Variants in CORO2B observed in about 807,000 individuals in gnomAD.
The protein encoded by CORO2B is coronin 2B.
In CORO2B, 26 loss-of-function variants were observed where a neutral mutation model predicts 58.8. The observed-to-expected ratio is 0.44, with a 90% CI of 0.32 to 0.61. The LOEUF is 0.61. CORO2B is among the 20% of genes least tolerant of loss of function. The pLI is 0.04. For missense variants in CORO2B, 460 were observed against 645.1 expected, an observed-to-expected ratio of 0.71 and a Z score of 3.11; for synonymous variants, 242 against 253.8, an observed-to-expected ratio of 0.95 and a Z score of 0.44.
intron 2 of CORO2B, among the ~76,000 whole-genome samples, chr15:68,647,223 A>G (rs1480424565): frequency 1.3e-5 from 2 of 152,240 alleles, no homozygotes; most frequent in African/African-American, 4.8e-5. Context: ...CCCCCAAATC[A>G]TAAAGGAAAT....
chr15:68,533,753 C>G, the CORO2B span, among the ~76,000 whole-genome samples: 3 of 152,182 alleles, frequency 2.0e-5, no homozygotes, highest in Non-Finnish European at 4.4e-5. Context: ...GTTCTTAAAA[C>G]AAGCATAATG....
At chr15:68,635,169 C>T (rs1027994510) in intron 1 of CORO2B, among the ~76,000 whole-genome samples, 10 of 152,214 alleles carry the variant, frequency 6.6e-5, no homozygotes, top group African/African-American at 2.4e-4. Flanking sequence ...TTTCCACCTT[C>T]ACTCCTCTCC....
the CORO2B span, among the ~76,000 whole-genome samples, chr15:68,529,388 G>A: frequency 1.3e-5 from 2 of 152,174 alleles, no homozygotes; most frequent in Non-Finnish European, 2.9e-5. Context: ...CTCTAAAGAT[G>A]AGATATCACA....
chr15:68,600,970 G>A (rs1899967994), intron 1 of CORO2B, among the ~76,000 whole-genome samples: 1 of 152,172 alleles, frequency 6.6e-6, no homozygotes. Context: ...GAATGAGTAG[G>A]GAGGAGGCTG....
intron 1 of CORO2B, among the ~76,000 whole-genome samples, chr15:68,585,198 CT>C (rs538353979): frequency 7.5e-4 from 114 of 152,268 alleles, no homozygotes; most frequent in African/African-American, 2.7e-3. Flanking sequence ...GGACGGTCCC[CT>C]CTATTTAGGG....
intron 2 of CORO2B, among the ~76,000 whole-genome samples, chr15:68,693,980 C>T (rs1302358614): frequency 3.3e-5 from 5 of 152,242 alleles, no homozygotes; most frequent in Admixed American, 1.3e-4. Flanking sequence ...GGATTACAGG[C>T]GTGTGTCACC....
chr15:68,535,025 G>A, the CORO2B span, among the ~76,000 whole-genome samples: 4 of 152,294 alleles, frequency 2.6e-5, no homozygotes, highest in East Asian at 3.9e-4. Context: ...CCCACAGCAT[G>A]TGAGAGTTAT....
At chr15:68,718,618 C>T (rs1204635000) in intron 8 of CORO2B, 80 bp from the exon 9 acceptor site, 1 of 1,249,086 alleles carries the variant, frequency 8.0e-7, no homozygotes. Context: ...AGCCTTTCCC[C>T]TGGCCCAGAA....
chr15:68,598,068 A>C (rs73442209), intron 1 of CORO2B, among the ~76,000 whole-genome samples: 1,896 of 152,348 alleles, frequency 0.012, 45 homozygotes, highest in African/African-American at 0.042. Context: ...CCTTTTCTTC[A>C]GATCCAGACC....
the CORO2B span, among the ~76,000 whole-genome samples, chr15:68,529,900 T>C: frequency 6.6e-6 from 1 of 152,262 alleles, no homozygotes; most frequent in South Asian, 2.1e-4. Context: ...ATTTACTCTT[T>C]GAACTAAAGG....
chr15:68,599,976 G>C (rs1899941550), intron 1 of CORO2B, among the ~76,000 whole-genome samples: 1 of 152,200 alleles, frequency 6.6e-6, no homozygotes, highest in African/African-American at 2.4e-5. Flanking sequence ...GGTGTGGACT[G>C]CTGCTGCTGT....
intron 2 of CORO2B, among the ~76,000 whole-genome samples, chr15:68,660,976 C>CTCT (rs796445368): frequency 6.8e-6 from 1 of 147,220 alleles, no homozygotes; most frequent in Non-Finnish European, 1.5e-5. Flanking sequence ...TGTAATGAGT[C>CTCT]TTTTTTTTTT....
At chr15:68,578,932 A>T, upstream of CORO2B, 1 of 661,410 alleles carries the variant, frequency 1.5e-6, no homozygotes, top group Non-Finnish European at 1.9e-6. This position sits in a 1 kb window ranked among gnomAD's most constrained non-coding sequence, Gnocchi z 4.2. Context: ...CTTTGTAGCG[A>T]GTTCCCGGCC....
the CORO2B span, among the ~76,000 whole-genome samples, chr15:68,535,024 T>C: frequency 0.76 from 115,892 of 152,094 alleles, 44,661 homozygotes; most frequent in East Asian, 0.96. Context: ...TCCCACAGCA[T>C]GTGAGAGTTA....
At chr15:68,653,149 C>A (rs1381489695) in intron 2 of CORO2B, among the ~76,000 whole-genome samples, 1 of 152,112 alleles carries the variant, frequency 6.6e-6, no homozygotes, top group Non-Finnish European at 1.5e-5. Context: ...GGTCCTGGAG[C>A]AGCGGTCCAG....
rs370884029 is a variant in CORO2B at position 68,710,693 on chromosome 15, C to T, written c.334-39C>T. 30 of 1,528,810 alleles carry T rather than the reference C, an allele frequency of 2.0e-5. No homozygotes were observed. In the African/African-American group the frequency reaches 3.8e-4, roughly 20 times the overall value. 94.7% of individuals were successfully genotyped at this position (1,528,810 alleles called of 1,614,324 possible). ...CACCTCTCATCAAGGGACTTCTTGG[C>T]CGTGTCCACCCAGCCTGGACCCTCA... On this transcript the variant is annotated intron_variant, in intron 3 of 11. Coordinates refer to ENST00000261861, the MANE Select transcript of CORO2B (RefSeq NM_006091.5). This position sits in a 1 kb window ranked among gnomAD's most constrained non-coding sequence, Gnocchi z 4.1.
At chr15:68,701,152 C>T (rs890461328) in intron 3 of CORO2B, among the ~76,000 whole-genome samples, 1 of 152,074 alleles carries the variant, frequency 6.6e-6, no homozygotes, top group Non-Finnish European at 1.5e-5. Context: ...GGGGCCAGTG[C>T]GCCGAGTGGG....
chr15:68,669,091 G>A (rs1902297666), intron 2 of CORO2B, among the ~76,000 whole-genome samples: 1 of 144,642 alleles, frequency 6.9e-6, no homozygotes, highest in South Asian at 2.2e-4. Flanking sequence ...GAGAGAGAAA[G>A]AAGGAAGGAA....
At chr15:68,688,693 G>C (rs1218539357) in intron 2 of CORO2B, among the ~76,000 whole-genome samples, 1 of 152,054 alleles carries the variant, frequency 6.6e-6, no homozygotes, top group Non-Finnish European at 1.5e-5. Context: ...CCATTATATG[G>C]GTGTACTGTA....
Sources: allele counts gnomAD v4.1 joint callset (sites outside exome capture counted in the v4.1 genomes callset), GRCh38; gene constraint gnomAD v4.1.1; non-coding constraint Gnocchi (gnomAD v3.1); transcripts MANE v1.5; gene names NCBI Gene and HGNC (gene_info 2026-07-23, HGNC 2026-07-21).